Variants in FAM149A observed in about 807,000 individuals in gnomAD.
The protein encoded by FAM149A is protein FAM149A.
In FAM149A, 71 loss-of-function variants were observed where a neutral mutation model predicts 78.2. That is an observed-to-expected ratio of 0.91 (90% confidence interval 0.75 to 1.11). The LOEUF (loss-of-function observed/expected upper bound fraction) is 1.11, where lower values mean the gene tolerates loss of function less well. FAM149A is among the 50% of genes least tolerant of loss of function. The pLI, the probability that FAM149A is intolerant of heterozygous loss-of-function variation, is 0.00. For missense variants in FAM149A, 1,036 were observed against 971.0 expected, an observed-to-expected ratio of 1.07 and a Z score of -0.89; for synonymous variants, 446 against 410.5, an observed-to-expected ratio of 1.09 and a Z score of -1.04.
intron 1 of FAM149A, chr4:186,109,997 G>C: frequency 1.0e-6 from 1 of 985,418 alleles, no homozygotes; most frequent in Non-Finnish European, 1.2e-6. Flanking sequence ...AGAATAATCA[G>C]TAGCATCACA....
chr4:186,130,293 C>CTCTATATATA lies in FAM149A; in HGVS notation c.567-18879_567-18878insCTATATATAT. The CTCTATATATA allele has an allele frequency of 4.8e-3, 224 of 46,554 alleles. 2 individuals are homozygous for CTCTATATATA. The highest frequency in any genetic ancestry group is 0.044 in the Middle Eastern group (3 of 68). 2.9% of individuals were successfully genotyped at this position (46,554 alleles called of 1,614,324 possible). ...TCTCTCTCTCTCTCTCTCTCTCTCTCTATATATATATATATATATATAATC... is the reference window on the plus strand; with the variant it reads ...TCTCTCTCTCTCTCTCTCTCTCTCTCTCTATATATATATATATATATATATATATATAATC... On this transcript the variant is annotated intron_variant, in intron 1 of 13. Coordinates refer to ENST00000389354, the MANE Select transcript of FAM149A (RefSeq NM_001367768.3).
intron 1 of FAM149A, chr4:186,116,375 C>T: frequency 3.1e-6 from 2 of 643,668 alleles, no homozygotes; most frequent in Non-Finnish European, 3.9e-6. Flanking sequence ...ACGCTGGGAG[C>T]TGTAGACCGG....
At position 186,153,745 on chromosome 4, in the gene FAM149A, T is replaced by A. The variant is rs762611102; in HGVS notation, c.1033T>A (p.Cys345Ser). Residue 345 changes from cysteine (C) to serine (S), a missense_variant, in exon 5 of 14, where the codon TGC becomes AGC. Cys to Ser is a moderately radical substitution (Grantham distance 112). Transcript: ENST00000389354. ...AGTCCACAGACCCCCGCTCAGTGCC[T>A]GCGGACACAGCAGCAACATCAGAGA... is the stretch of plus-strand genomic sequence containing the variant. 4 of 1,611,524 alleles carry A rather than the reference T, an allele frequency of 2.5e-6. No homozygotes were observed. The South Asian group carries it at 4.4e-5, about 18-fold the overall frequency.
chr4:186,109,622 C>T, intron 1 of FAM149A: 1 of 984,518 alleles, frequency 1.0e-6, no homozygotes, highest in Non-Finnish European at 1.2e-6. Context: ...AGAAGTGCTC[C>T]AGAAATTAAT....
intron 8 of FAM149A, among the ~76,000 whole-genome samples, chr4:186,162,348 G>C (rs1172889693): frequency 2.0e-5 from 3 of 152,182 alleles, no homozygotes; most frequent in Non-Finnish European, 2.9e-5. Context: ...AGGACAATGA[G>C]GAGCCATGAT....
At chr4:186,167,553 G>T in intron 13 of FAM149A, 1 of 443,088 alleles carries the variant, frequency 2.3e-6, no homozygotes, top group Non-Finnish European at 4.2e-6. Flanking sequence ...GGAGCAGTGA[G>T]TACCTCTGTC....
chr4:186,140,472 A>C lies in FAM149A; in HGVS notation c.567-8701A>C, dbSNP rs577682327. 1.6e-5 allele frequency among the ~76,000 whole-genome samples: 2 copies of C among 124,842 alleles called. 1 individual carries two copies. The highest frequency in any genetic ancestry group is 5.1e-4 in the South Asian group (2 of 3,910). 81.9% of individuals were successfully genotyped at this position (124,842 alleles called of 152,430 possible). A position where few individuals can be genotyped will look rare whatever the true frequency, so the allele number is the denominator to read the frequency against. On this transcript the variant is annotated intron_variant, in intron 1 of 13. Transcript: ENST00000389354. ...TTTTTTTTTTTTTTTTTTTGTAGAG[A>C]CAACGTCTCATTATGTTGCCCAGGC... is the stretch of plus-strand genomic sequence containing the variant.
rs555746528 is a variant in FAM149A, at chr4:186,140,369, G to A, written c.567-8804G>A. ...CTGGAGTACTGCAGCCTCCATCTCCGGGGCTCTAAGTGATCCTCCCACTTC... is the reference window on the plus strand; with the variant it reads ...CTGGAGTACTGCAGCCTCCATCTCCAGGGCTCTAAGTGATCCTCCCACTTC... On this transcript the variant is annotated intron_variant, in intron 1 of 13. Coordinates refer to ENST00000389354, the MANE Select transcript of FAM149A (RefSeq NM_001367768.3). 4.6e-5 allele frequency among the ~76,000 whole-genome samples: 7 copies of A among 151,356 alleles called. No homozygotes were observed. In the South Asian group the frequency reaches 1.0e-3, roughly 23 times the overall value.
At chr4:186,141,230 T>C (rs1021040266) in intron 1 of FAM149A, among the ~76,000 whole-genome samples, 2 of 152,242 alleles carry the variant, frequency 1.3e-5, no homozygotes, top group African/African-American at 4.8e-5. Flanking sequence ...TCCTTATAGA[T>C]ACTGGATATT....
intron 1 of FAM149A, chr4:186,146,543 A>G (rs1431254391): frequency 2.2e-5 from 21 of 970,418 alleles, no homozygotes; most frequent in Non-Finnish European, 1.7e-5. Context: ...CCCCTGAAAA[A>G]GAGTGAATTT....
At chr4:186,122,772 T>C in intron 1 of FAM149A, 2 of 524,734 alleles carry the variant, frequency 3.8e-6, no homozygotes, top group Non-Finnish European at 4.9e-6. Flanking sequence ...TGTTCATAAA[T>C]AATGTAAATA....
In FAM149A at chr4:186,173,068, C is replaced by G. The variant is rs565550446; in HGVS notation, c.*1081C>G. Among the ~76,000 whole-genome samples, 3 of 112,192 alleles carry G rather than the reference C, an allele frequency of 2.7e-5. 1 individual carries two copies. The East Asian group carries it at 6.7e-4, about 25-fold the overall frequency. 73.6% of individuals were successfully genotyped at this position (112,192 alleles called of 152,430 possible). A position where few individuals can be genotyped will look rare whatever the true frequency, so the allele number is the denominator to read the frequency against. ...TTTCATCAGTCTAATTTTTACTAAT[C>G]CAAACTGTAACTTTATAAGGCTATA... On this transcript the variant is annotated 3_prime_UTR_variant, in exon 14 of 14. Coordinates refer to ENST00000389354, the MANE Select transcript of FAM149A (RefSeq NM_001367768.3).
rs1734902477 is a variant in FAM149A at position 186,164,876 on chromosome 4, C to T, written c.1890-468C>T. Among the ~76,000 whole-genome samples, 1 of 152,118 alleles carries T rather than the reference C, an allele frequency of 6.6e-6. No individual in the cohort carries two copies. Among genetic ancestry groups the T allele is most frequent in the African/African-American group, 2.4e-5 (1 of 41,408 alleles). ...GCCACCCTGAGGAGCCCTTTTCGAC[C>T]ATTCTTCCCAATTGCTCTCCCTACA... On this transcript the variant is annotated intron_variant, in intron 10 of 13. Coordinates refer to ENST00000389354, the MANE Select transcript of FAM149A (RefSeq NM_001367768.3). The surrounding 1 kb of genome is among the most constrained non-coding windows in gnomAD (Gnocchi z 4.0).
intron 8 of FAM149A, chr4:186,160,703 TACCACACACCACACACACACCTC>T: frequency 1.5e-6 from 1 of 666,050 alleles, no homozygotes; most frequent in South Asian, 7.0e-5. Flanking sequence ...CCACACACAC[TACCACACACCACACACACACCTC>T]ACCACACCCC....
chr4:186,120,160 G>A (rs2099315361), intron 1 of FAM149A, among the ~76,000 whole-genome samples: 1 of 152,094 alleles, frequency 6.6e-6, no homozygotes, highest in Non-Finnish European at 1.5e-5. Context: ...TGGTATTTCA[G>A]GGTCTACTAG....
At position 186,164,964 on chromosome 4, in the gene FAM149A, C is replaced by T. The variant is rs893484605; in HGVS notation, c.1890-380C>T. Among the ~76,000 whole-genome samples, 5 of 152,104 alleles carry T rather than the reference C, an allele frequency of 3.3e-5. No individual in the cohort carries two copies. Among genetic ancestry groups the T allele is most frequent in the African/African-American group, 2.4e-5 (1 of 41,396 alleles). ...TGTGCATAGCTGTGCTCTACACATA[C>T]GAGGGAAGCTGTGGCTTCAGAGGGG... is the stretch of plus-strand genomic sequence containing the variant. On this transcript the variant is annotated intron_variant, in intron 10 of 13. Transcript: ENST00000389354. The surrounding 1 kb of genome is among the most constrained non-coding windows in gnomAD (Gnocchi z 4.0).
At position 186,162,930 on chromosome 4, in the gene FAM149A, A is replaced by G. The variant is rs530481027; in HGVS notation, c.1661A>G (p.Tyr554Cys). The stretch of plus-strand genomic sequence containing the variant: ...AAACCGCTTCAGCGGAGACCTGCCT[A>G]TTTTGCTGACAGAACGCAGTACGTA... Residue 554 changes from tyrosine to cysteine, a missense_variant, in exon 9 of 14, where the codon TAT (tyrosine) becomes TGT (cysteine). Transcript: ENST00000389354. The G allele has an allele frequency of 1.2e-6, 2 of 1,601,678 alleles. No homozygotes were observed. Among genetic ancestry groups the G allele is most frequent in the African/African-American group, 1.4e-5 (1 of 72,654 alleles).
intron 1 of FAM149A, among the ~76,000 whole-genome samples, chr4:186,128,341 T>C (rs780257565): frequency 5.3e-5 from 8 of 152,076 alleles, no homozygotes; most frequent in Admixed American, 1.3e-4. Flanking sequence ...TACATTTTTG[T>C]GGTCACAGCT....
chr4:186,132,440 T>G (rs1194107112), intron 1 of FAM149A, among the ~76,000 whole-genome samples: 1 of 152,176 alleles, frequency 6.6e-6, no homozygotes, highest in African/African-American at 2.4e-5. Context: ...GAAAAGATGA[T>G]TGTTATGGGC....
Sources: allele counts gnomAD v4.1 joint callset (sites outside exome capture counted in the v4.1 genomes callset), GRCh38; gene constraint gnomAD v4.1.1; non-coding constraint Gnocchi (gnomAD v3.1); transcripts MANE v1.5; gene names NCBI Gene and HGNC (gene_info 2026-07-23, HGNC 2026-07-21).